GPC5: variants seen among roughly 807,000 people sequenced by gnomAD.
The protein encoded by GPC5 is glypican-5.
GPC5 carries 47 observed loss-of-function variants against 53.9 expected under a neutral mutation model. The observed-to-expected ratio is 0.87, with a 90% CI of 0.69 to 1.11. The LOEUF is 1.11. GPC5 is among the 50% of genes most tolerant of loss of function. GPC5 has a pLI of 0.00. For synonymous variants in GPC5, 286 were observed against 263.3 expected (o/e 1.09, Z -0.84); for missense variants, 748 against 713.1 (o/e 1.05, Z -0.56).
intron 6 of GPC5, among the ~76,000 whole-genome samples, chr13:92,116,303 G>C (rs1273074895): frequency 6.6e-6 from 1 of 151,994 alleles, no homozygotes; most frequent in Non-Finnish European, 1.5e-5. Flanking sequence ...CACTTATGGG[G>C]GGGATTGGGA....
At chr13:91,805,606 T>C (rs1159282948) in intron 5 of GPC5, among the ~76,000 whole-genome samples, 4 of 152,176 alleles carry the variant, frequency 2.6e-5, no homozygotes, top group African/African-American at 7.2e-5. Flanking sequence ...GGGACTTTAA[T>C]TTAAAGTGCT....
chr13:91,478,761 G>T (rs1883086862), intron 2 of GPC5, among the ~76,000 whole-genome samples: 1 of 139,630 alleles, frequency 7.2e-6, no homozygotes, highest in African/African-American at 2.7e-5. Context: ...CTAGCAATGT[G>T]GCTTTGGTGA....
intron 6 of GPC5, among the ~76,000 whole-genome samples, chr13:91,972,331 C>T (rs956812954): frequency 1.3e-5 from 2 of 152,144 alleles, no homozygotes; most frequent in Non-Finnish European, 2.9e-5. Flanking sequence ...AGATCTTCCT[C>T]CATCCCTTTA....
intron 6 of GPC5, among the ~76,000 whole-genome samples, chr13:91,944,979 C>A (rs1048403277): frequency 1.3e-5 from 2 of 152,146 alleles, no homozygotes; most frequent in Non-Finnish European, 2.9e-5. Context: ...TTTGATTAAA[C>A]CCCAAACAAT....
intron 7 of GPC5, among the ~76,000 whole-genome samples, chr13:92,750,444 G>C (rs1889355064): frequency 6.6e-6 from 1 of 151,588 alleles, no homozygotes; most frequent in South Asian, 2.1e-4. Flanking sequence ...TGCTGGAAGA[G>C]GAAAAGAAAA....
intron 6 of GPC5, among the ~76,000 whole-genome samples, chr13:92,039,864 T>C (rs1245392103): frequency 6.6e-6 from 1 of 152,230 alleles, no homozygotes; most frequent in Admixed American, 6.5e-5. Context: ...TAATTACCTC[T>C]TTAAAGGCCT....
At chr13:92,364,526 A>C (rs990835800) in intron 7 of GPC5, among the ~76,000 whole-genome samples, 10 of 151,526 alleles carry the variant, frequency 6.6e-5, no homozygotes, top group South Asian at 2.1e-4. Context: ...GTCAGGAGAT[A>C]GAGACCATCC....
chr13:92,774,820 T>C (rs983414290), intron 7 of GPC5, among the ~76,000 whole-genome samples: 16 of 152,226 alleles, frequency 1.1e-4, no homozygotes, highest in African/African-American at 3.9e-4. Flanking sequence ...AAGAAAATCA[T>C]TTATTTCTTA....
Position 92,866,425 on chromosome 13 carries a change from C to T in GPC5, c.1705C>T (p.Pro569Ser). Residue 569 changes from proline to serine, a missense_variant, in exon 8 of 8, where the codon CCC becomes TCC. Transcript: ENST00000377067. ...FTLISVVMLL[P>S]GIW The stretch of plus-strand genomic sequence containing the variant: ...TCTGATAAGTGTGGTGATGTTACTT[C>T]CCGGGATTTGGTAACTGAACTCTTC... The T allele has an allele frequency of 1.2e-6, 2 of 1,603,672 alleles. No homozygotes were observed. Among genetic ancestry groups the T allele is most frequent in the Non-Finnish European group, 1.7e-6 (2 of 1,173,688 alleles).
chr13:91,580,281 A>T (rs2032311318), intron 2 of GPC5, among the ~76,000 whole-genome samples: 1 of 152,008 alleles, frequency 6.6e-6, no homozygotes, highest in African/African-American at 2.4e-5. Flanking sequence ...TGATCTCCTG[A>T]CCCTGTGATC....
chr13:91,698,829 A>G (rs2035936147), intron 3 of GPC5, among the ~76,000 whole-genome samples: 1 of 152,224 alleles, frequency 6.6e-6, no homozygotes, highest in South Asian at 2.1e-4. Context: ...GTGATGAAGA[A>G]GAGGTGGCAG....
intron 7 of GPC5, among the ~76,000 whole-genome samples, chr13:92,438,368 G>A (rs932548705): frequency 8.8e-6 from 1 of 114,160 alleles, no homozygotes; most frequent in Non-Finnish European, 1.7e-5. Context: ...GTAGAAGAAC[G>A]TTTAAAGCAA....
chr13:92,548,186 G>T (rs1882193613), intron 7 of GPC5, among the ~76,000 whole-genome samples: 1 of 151,790 alleles, frequency 6.6e-6, no homozygotes, highest in African/African-American at 2.4e-5. Context: ...AGATCCACCT[G>T]TAAACTTCTA....
intron 7 of GPC5, among the ~76,000 whole-genome samples, chr13:92,791,424 T>TGGGGGGG (rs60469699): frequency 3.0e-5 from 2 of 66,380 alleles, no homozygotes; most frequent in East Asian, 3.3e-4. Flanking sequence ...TGTGAGTGTG[T>TGGGGGGG]GGGGGGGGGC....
rs117322554 is a variant in GPC5, at chr13:91,993,031, C to A, written c.1401+84974C>A. On this transcript the variant is annotated intron_variant, in intron 6 of 7. Transcript: ENST00000377067. ...GTGTCATTCTTAGTAAATTGTGTGT[C>A]ATTTCTCTTAGTAAATTTCAAAATT... Among the ~76,000 whole-genome samples, 1,011 of 152,268 alleles carry A rather than the reference C, an allele frequency of 6.6e-3. 7 individuals are homozygous for A. The highest frequency in any genetic ancestry group is 0.02 in the Middle Eastern group (6 of 294).
intron 2 of GPC5, among the ~76,000 whole-genome samples, chr13:91,506,915 A>G (rs972147577): frequency 6.6e-6 from 1 of 152,178 alleles, no homozygotes; most frequent in Non-Finnish European, 1.5e-5. Context: ...AAACATGCCA[A>G]TGCTGAGAAA....
At chr13:92,232,250 C>T (rs1283251453) in intron 7 of GPC5, among the ~76,000 whole-genome samples, 1 of 151,448 alleles carries the variant, frequency 6.6e-6, no homozygotes, top group Non-Finnish European at 1.5e-5. Flanking sequence ...TTTACAGAAG[C>T]ACAAAATCTG....
intron 6 of GPC5, among the ~76,000 whole-genome samples, chr13:92,022,779 C>T (rs2040769744): frequency 6.6e-6 from 1 of 151,638 alleles, no homozygotes; most frequent in Non-Finnish European, 1.5e-5. Flanking sequence ...TGTTAGCATT[C>T]CTTTATAGAA....
chr13:91,530,062 C>T (rs1238012567), intron 2 of GPC5, among the ~76,000 whole-genome samples: 1 of 152,178 alleles, frequency 6.6e-6, no homozygotes, highest in Non-Finnish European at 1.5e-5. Flanking sequence ...ACAGTCTCTG[C>T]CTTCTCTTTA....
Sources: allele counts gnomAD v4.1 joint callset (sites outside exome capture counted in the v4.1 genomes callset), GRCh38; gene constraint gnomAD v4.1.1; transcripts MANE v1.5; gene names NCBI Gene and HGNC (gene_info 2026-07-23, HGNC 2026-07-21).